FAM151A: variants seen among roughly 807,000 people sequenced by gnomAD.
The protein encoded by FAM151A is family with sequence similarity 151 member A.
A neutral mutation model predicts 40.4 loss-of-function variants in FAM151A; 41 were observed. That is an observed-to-expected ratio of 1.01 (90% confidence interval 0.79 to 1.32). The LOEUF (loss-of-function observed/expected upper bound fraction) is 1.32. Ranked by LOEUF, FAM151A falls within the 40% of genes most tolerant of loss-of-function variation. The probability of loss-of-function intolerance (pLI) is 0.00; values close to 1 mark genes in which losing one functional copy is unlikely to be tolerated. For synonymous variants in FAM151A, 337 were observed against 312.5 expected (o/e 1.08, Z -0.83); for missense variants, 740 against 740.4 (o/e 1.00, Z 0.01).
chr1:54,619,823 C>T, intron 2 of FAM151A, 41 bp downstream of exon 2: 1 of 1,605,382 alleles, frequency 6.2e-7, no homozygotes, highest in Middle Eastern at 1.9e-4. Flanking sequence ...TCTTCTCTAT[C>T]CCTTGCCCTG....
At chr1:54,620,369 A>G (rs1487521966) in intron 1 of FAM151A, among the ~76,000 whole-genome samples, 1 of 152,228 alleles carries the variant, frequency 6.6e-6, no homozygotes, top group Non-Finnish European at 1.5e-5. Flanking sequence ...CTGAAGAGCC[A>G]TTGGCCTGGT....
In FAM151A at chr1:54,610,551, A is replaced by G; in HGVS notation, c.945T>C (p.Asn315=). The G allele has an allele frequency of 2.5e-6, 4 of 1,611,336 alleles. No individual in the cohort carries two copies. The highest frequency in any genetic ancestry group is 3.4e-6 in the Non-Finnish European group (4 of 1,178,358). The change falls in exon 7 of 8, where the codon AAT becomes AAC. Residue 315 remains asparagine, a synonymous_variant. Coordinates refer to ENST00000302250, the MANE Select transcript of FAM151A (RefSeq NM_176782.3). ...TGTAGTACATTGGTTTCCGTGTGGC[A>G]TTCACTGTGGGGCCCCAAATCGCCA... is the stretch of plus-strand genomic sequence containing the variant. ...LLSQFKQLAL[N]ATRKPMYYTG... is the part of the protein sequence containing the mutation.
intron 1 of FAM151A, 69 bp from the exon 2 acceptor site, chr1:54,620,076 C>T: frequency 6.5e-7 from 1 of 1,535,922 alleles, no homozygotes; most frequent in Non-Finnish European, 8.9e-7. Context: ...TTCGTTCATC[C>T]CATGACCCTC....
intron 2 of FAM151A, among the ~76,000 whole-genome samples, chr1:54,619,106 A>C (rs1644203229): frequency 6.6e-6 from 1 of 152,166 alleles, no homozygotes; most frequent in African/African-American, 2.4e-5. Flanking sequence ...GTGATTCTCA[A>C]AGTTGGTCCT....
At chr1:54,610,320 G>T in intron 7 of FAM151A, 92 bp downstream of exon 7, 2 of 1,549,486 alleles carry the variant, frequency 1.3e-6, no homozygotes, top group Non-Finnish European at 1.7e-6. Context: ...AACCTGTGTT[G>T]CCATGGCAAC....
At chr1:54,615,396 G>A (rs1259336591) in intron 3 of FAM151A, among the ~76,000 whole-genome samples, 2 of 152,128 alleles carry the variant, frequency 1.3e-5, no homozygotes, top group African/African-American at 4.8e-5. Flanking sequence ...GGGGAGCCAC[G>A]GAGGGTTAAA....
chr1:54,614,898 G>A (rs1296999625), intron 3 of FAM151A, 39 bp from the exon 4 acceptor site: 1 of 1,600,296 alleles, frequency 6.2e-7, no homozygotes, highest in African/African-American at 1.3e-5. Context: ...AAATGGCGAA[G>A]GAACTAGGAA....
In FAM151A at chr1:54,609,425, C is replaced by CG; in HGVS notation, c.1600dup (p.Arg534ProfsTer26). Reference sequence around the variant, plus strand: ...GTTGTGCTCCACTGTGACGGTGGCCCGGGGGGAGGATGCCAGCAGCCTGCC... The same window carrying CG: ...GTTGTGCTCCACTGTGACGGTGGCCCGGGGGGGAGGATGCCAGCAGCCTGCC... On this transcript the variant is annotated frameshift_variant, in exon 8 of 8. Transcript: ENST00000302250. LOFTEE classifies it low-confidence loss of function (END_TRUNC). The CG allele has an allele frequency of 6.2e-7, 1 of 1,613,758 alleles. No individual in the cohort carries two copies. Among genetic ancestry groups the CG allele is most frequent in the Non-Finnish European group, 8.5e-7 (1 of 1,180,022 alleles).
intron 1 of FAM151A, among the ~76,000 whole-genome samples, chr1:54,620,797 C>T (rs759371213): frequency 1.7e-4 from 22 of 131,590 alleles, no homozygotes; most frequent in Non-Finnish European, 2.2e-4. Context: ...TGTAGTGAGC[C>T]GAGATTGCAC....
At chr1:54,622,747 A>G (rs1644242175) in intron 1 of FAM151A, among the ~76,000 whole-genome samples, 1 of 151,476 alleles carries the variant, frequency 6.6e-6, no homozygotes, top group South Asian at 2.1e-4. Context: ...TCTCAAAAAA[A>G]ATAGTTAACG....
chr1:54,613,479 G>A (rs1644139996), intron 4 of FAM151A, among the ~76,000 whole-genome samples: 1 of 151,002 alleles, frequency 6.6e-6, no homozygotes, highest in Non-Finnish European at 1.5e-5. Flanking sequence ...TTCTATACGT[G>A]GTCTCGCTGT....
chr1:54,610,821 A>G (rs1644109901), intron 6 of FAM151A: 1 of 985,280 alleles, frequency 1.0e-6, no homozygotes, highest in Non-Finnish European at 1.2e-6. Context: ...CCGCTCGCTT[A>G]GGTGGCTCCC....
chr1:54,609,341 TCCACAGC>T lies in FAM151A; in HGVS notation c.1678_1684del (p.Ala560ThrfsTer?). On this transcript the variant is annotated frameshift_variant, in exon 8 of 8. Transcript: ENST00000302250. LOFTEE classifies it high-confidence loss of function. Reference sequence around the variant, plus strand: ...TAGCCTGTAGTAGACTCGGGTCCTGTCCACAGCCCTAGCTGCCAGCAATGCTGTCCTC... The same window carrying T: ...TAGCCTGTAGTAGACTCGGGTCCTGTCCTAGCTGCCAGCAATGCTGTCCTC... The T allele has an allele frequency of 6.2e-7, 1 of 1,614,110 alleles. No individual in the cohort carries two copies. The highest frequency in any genetic ancestry group is 8.5e-7 in the Non-Finnish European group (1 of 1,179,990).
At chr1:54,620,496 A>G (rs1644219186) in intron 1 of FAM151A, among the ~76,000 whole-genome samples, 2 of 152,020 alleles carry the variant, frequency 1.3e-5, no homozygotes, top group South Asian at 2.1e-4. Flanking sequence ...ACCTGAGATT[A>G]GGAGTTCGAG....
chr1:54,614,785 C>T lies in FAM151A; in HGVS notation c.490G>A (p.Gly164Ser). The change falls in exon 4 of 8, where the codon GGC becomes AGC. Residue 164 changes from glycine (G) to serine (S), a missense_variant. Transcript: ENST00000302250. ...LDLLRQLTEE[G>S]KVRRPIWINA... is the part of the protein sequence containing the mutation. ...ATCCATATGGGCCGCCGGACTTTGC[C>T]TTCCTCTGTCAGCTGCCGCAGGAGG... 2 of 1,614,130 alleles carry T rather than the reference C, an allele frequency of 1.2e-6. No individual in the cohort carries two copies. The highest frequency in any genetic ancestry group is 2.2e-5 in the East Asian group (1 of 44,870).
chr1:54,611,776 T>A (rs776213958), intron 5 of FAM151A, 31 bp from the exon 6 acceptor site: 1 of 1,612,790 alleles, frequency 6.2e-7, no homozygotes, highest in Non-Finnish European at 8.5e-7. Context: ...TCAGTGCCTG[T>A]CTGGGCCCAG....
At position 54,611,381 on chromosome 1, in the gene FAM151A, CAG is replaced by C. The variant is rs59744478; in HGVS notation, c.940+223_940+224del. On this transcript the variant is annotated intron_variant, in intron 6 of 7. Transcript: ENST00000302250. ...CGCCGCTGCACTCCAGCCTGGGTGA[CAG>C]AGTCAGACTACATCTCAAAAAAATA... 8.5e-3 allele frequency among the ~76,000 whole-genome samples: 1,289 copies of C among 152,282 alleles called. 16 individuals carry two copies. The highest frequency in any genetic ancestry group is 0.029 in the African/African-American group (1,202 of 41,542).
At position 54,610,565 on chromosome 1, in the gene FAM151A, C is replaced by T. The variant is rs7535372; in HGVS notation, c.941-10G>A. The T allele has an allele frequency of 7.1e-4, 1,141 of 1,607,662 alleles. 9 individuals carry two copies. The African/African-American group carries it at 0.012, about 17-fold the overall frequency. The stretch of plus-strand genomic sequence containing the variant: ...TTCCGTGTGGCATTCACTGTGGGGC[C>T]CCAAATCGCCAAGGTGAAGTGGCTG... On this transcript the variant is annotated splice_polypyrimidine_tract_variant and intron_variant, in intron 6 of 7. Transcript: ENST00000302250.
chr1:54,614,814 A>G lies in FAM151A; in HGVS notation c.461T>C (p.Leu154Pro), dbSNP rs1644154239. Residue 154 changes from leucine to proline, a missense_variant, in exon 4 of 8, where the codon CTG (leucine) becomes CCG (proline). By Grantham distance (98) the Leu-to-Pro change is moderately conservative. Coordinates refer to ENST00000302250, the MANE Select transcript of FAM151A (RefSeq NM_176782.3). ...CTCTGTCAGCTGCCGCAGGAGGTCC[A>G]GGGAGGGGCCCACTGCCTTGATGTT... ...FKNIKAVGPS[L>P]DLLRQLTEEG... The G allele has an allele frequency of 1.2e-6, 2 of 1,613,988 alleles. No homozygotes were observed. Among genetic ancestry groups the G allele is most frequent in the African/African-American group, 1.3e-5 (1 of 74,912 alleles).
Sources: allele counts gnomAD v4.1 joint callset (sites outside exome capture counted in the v4.1 genomes callset), GRCh38; gene constraint gnomAD v4.1.1; transcripts MANE v1.5; gene names NCBI Gene and HGNC (gene_info 2026-07-23, HGNC 2026-07-21).